The following IL23R variants were observed in gnomAD, a reference collection of about 807,000 sequenced individuals.
The protein encoded by IL23R is interleukin-23 receptor.
A neutral mutation model predicts 56.9 loss-of-function variants in IL23R; 34 were observed. The observed-to-expected ratio is 0.60, with a 90% CI of 0.45 to 0.80. The LOEUF (loss-of-function observed/expected upper bound fraction) is 0.80, where lower values mean the gene tolerates loss of function less well. Ranked by LOEUF, IL23R falls within the 30% of genes least tolerant of loss-of-function variation. The pLI is 0.00. For missense variants in IL23R, 635 were observed against 730.0 expected, an observed-to-expected ratio of 0.87 and a Z score of 1.50; for synonymous variants, 230 against 249.2, an observed-to-expected ratio of 0.92 and a Z score of 0.73.
intron 4 of IL23R, among the ~76,000 whole-genome samples, chr1:67,195,446 AT>A (rs1310281873): frequency 6.6e-5 from 10 of 152,320 alleles, no homozygotes; most frequent in Non-Finnish European, 5.9e-5. Flanking sequence ...CAACGTTATC[AT>A]TCCTATACTG....
At chr1:67,198,198 T>C (rs934162550) in intron 4 of IL23R, among the ~76,000 whole-genome samples, 4 of 152,140 alleles carry the variant, frequency 2.6e-5, no homozygotes, top group Non-Finnish European at 4.4e-5. Flanking sequence ...CCAACACTGG[T>C]GATGACTTTG....
chr1:67,193,674 G>A (rs1647910563), intron 4 of IL23R, among the ~76,000 whole-genome samples: 1 of 152,158 alleles, frequency 6.6e-6, no homozygotes, highest in Non-Finnish European at 1.5e-5. Flanking sequence ...ATACAGTTAT[G>A]TAAAAGATAG....
intron 1 of IL23R, among the ~76,000 whole-genome samples, chr1:67,149,494 C>A (rs1646709827): frequency 6.6e-6 from 1 of 152,072 alleles, no homozygotes; most frequent in Non-Finnish European, 1.5e-5. Flanking sequence ...CTGTTGTAAT[C>A]TTTCTGAAGA....
chr1:67,173,624 G>A (rs2102562891), intron 3 of IL23R, among the ~76,000 whole-genome samples: 1 of 152,192 alleles, frequency 6.6e-6, no homozygotes, highest in East Asian at 1.9e-4. Flanking sequence ...CCAAAATGTT[G>A]TAAAGTACTT....
intron 9 of IL23R, among the ~76,000 whole-genome samples, chr1:67,248,455 C>T (rs1652389321): frequency 6.6e-6 from 1 of 152,104 alleles, no homozygotes; most frequent in Non-Finnish European, 1.5e-5. Flanking sequence ...CTGTGTTTTT[C>T]AGCACCATCA....
chr1:67,222,452 AAGT>A (rs1650348850), intron 7 of IL23R, among the ~76,000 whole-genome samples: 1 of 151,978 alleles, frequency 6.6e-6, no homozygotes, highest in Non-Finnish European at 1.5e-5. Flanking sequence ...TCTTTTTTAA[AAGT>A]TAGTTTTTAA....
chr1:67,201,948 A>G (rs1648672820), intron 5 of IL23R, among the ~76,000 whole-genome samples: 2 of 152,198 alleles, frequency 1.3e-5, no homozygotes, highest in African/African-American at 4.8e-5. Context: ...TTAACCATAT[A>G]AACTATATTG....
chr1:67,146,941 G>T (rs954187466), intron 1 of IL23R, among the ~76,000 whole-genome samples: 9 of 152,250 alleles, frequency 5.9e-5, no homozygotes, highest in Admixed American at 5.9e-4. Flanking sequence ...CGGTCCATAG[G>T]GATGGGCACA....
rs766141287 is a variant in IL23R, at chr1:67,207,056, G to A, written c.798+1G>A. 1 of 1,613,958 alleles carries A rather than the reference G, an allele frequency of 6.2e-7. No homozygotes were observed. Among genetic ancestry groups the A allele is most frequent in the Non-Finnish European group, 8.5e-7 (1 of 1,179,924 alleles). On this transcript the variant is annotated splice_donor_variant, in intron 6 of 10. Transcript: ENST00000347310. LOFTEE classifies it high-confidence loss of function. ...GGCTACAACAAACCAAACTTGGAATGTAAGCTCAACTTTCATTATGCTTTA... is the reference window on the plus strand; with the variant it reads ...GGCTACAACAAACCAAACTTGGAATATAAGCTCAACTTTCATTATGCTTTA...
chr1:67,248,068 C>T (rs996223553), intron 9 of IL23R, among the ~76,000 whole-genome samples: 13 of 152,000 alleles, frequency 8.6e-5, no homozygotes, highest in South Asian at 2.1e-4. Flanking sequence ...ATTTCAACGT[C>T]GGTGTATCTG....
chr1:67,211,529 A>G (rs769366658), intron 6 of IL23R, among the ~76,000 whole-genome samples: 1 of 152,146 alleles, frequency 6.6e-6, no homozygotes, highest in Non-Finnish European at 1.5e-5. Flanking sequence ...AGGCTGAGGC[A>G]AGAGAATCGC....
chr1:67,244,985 C>A (rs1240602430), intron 9 of IL23R, among the ~76,000 whole-genome samples: 1 of 152,136 alleles, frequency 6.6e-6, no homozygotes, highest in African/African-American at 2.4e-5. Context: ...TCTCTTATTT[C>A]CTTGAGCAGT....
At chr1:67,190,396 C>T (rs988991260) in intron 4 of IL23R, among the ~76,000 whole-genome samples, 9 of 150,426 alleles carry the variant, frequency 6.0e-5, no homozygotes, top group African/African-American at 2.2e-4. Context: ...CTTCTTTTAC[C>T]TCCTGTATTT....
chr1:67,245,402 T>G (rs1652151050), intron 9 of IL23R, among the ~76,000 whole-genome samples: 1 of 152,240 alleles, frequency 6.6e-6, no homozygotes, highest in Non-Finnish European at 1.5e-5. Flanking sequence ...TCAAAGGGAA[T>G]GCTTCCAGTT....
At chr1:67,204,168 A>G (rs1332338220) in intron 5 of IL23R, among the ~76,000 whole-genome samples, 4 of 152,016 alleles carry the variant, frequency 2.6e-5, no homozygotes, top group South Asian at 2.1e-4. Flanking sequence ...GGTTCACGCC[A>G]TTCTCCTGCC....
chr1:67,240,439 C>G (rs1651774049), intron 9 of IL23R, among the ~76,000 whole-genome samples, 158 bp downstream of exon 9: 1 of 152,138 alleles, frequency 6.6e-6, no homozygotes, highest in African/African-American at 2.4e-5. Flanking sequence ...CTTACCCATG[C>G]CAAACTCTCT....
Position 67,206,905 on chromosome 1 carries a change from T to TTTTTTG in IL23R, c.653-5_653-4insTTTTTG. ...AGGTCTTTTTTTTTTTTTTTTTTTTTCTAGTGATACCTTCTGCAGCCGTCA... is the reference window on the plus strand; with the variant it reads ...AGGTCTTTTTTTTTTTTTTTTTTTTTTTTTTGCTAGTGATACCTTCTGCAGCCGTCA... On this transcript the variant is annotated splice_region_variant and splice_polypyrimidine_tract_variant and intron_variant, in intron 5 of 10. Transcript: ENST00000347310. The TTTTTTG allele has an allele frequency of 2.6e-6, 4 of 1,528,990 alleles. No homozygotes were observed. Among genetic ancestry groups the TTTTTTG allele is most frequent in the Non-Finnish European group, 2.6e-6 (3 of 1,143,200 alleles). 94.7% of individuals were successfully genotyped at this position (1,528,990 alleles called of 1,614,324 possible).
At chr1:67,164,736 C>G (rs1360291966), upstream of IL23R, among the ~76,000 whole-genome samples, 1 of 152,150 alleles carries the variant, frequency 6.6e-6, no homozygotes, top group Non-Finnish European at 1.5e-5. Context: ...CATCTTCAAT[C>G]AATTCTCCAC....
chr1:67,182,343 C>A, intron 3 of IL23R, among the ~76,000 whole-genome samples: 1 of 152,184 alleles, frequency 6.6e-6, no homozygotes, highest in East Asian at 1.9e-4. Flanking sequence ...TGGCGGGCAC[C>A]CCTCTCCCAG....
Sources: gnomAD v4.1 joint callset for allele counts (sites outside exome capture counted in the v4.1 genomes callset) on GRCh38, gnomAD v4.1.1 for gene constraint, MANE v1.5 for transcripts, NCBI Gene and HGNC (gene_info 2026-07-23, HGNC 2026-07-21) for gene names.